The following LRRTM4 variants were observed in gnomAD, a reference collection of about 807,000 sequenced individuals.
LRRTM4 encodes the protein leucine rich repeat transmembrane neuronal 4.
A neutral mutation model predicts 47.6 loss-of-function variants in LRRTM4; 25 were observed. The observed-to-expected ratio is 0.53, with a 90% CI of 0.38 to 0.73. LRRTM4 has a LOEUF of 0.73. LRRTM4 is among the 30% of genes least tolerant of loss of function. LRRTM4 has a pLI of 0.00. For synonymous variants in LRRTM4, 311 were observed against 269.5 expected (o/e 1.15, Z -1.51); for missense variants, 638 against 713.4 (o/e 0.89, Z 1.20).
chr2:77,178,457 G>A (rs149446810), intron 3 of LRRTM4, among the ~76,000 whole-genome samples: 8,024 of 151,962 alleles, frequency 0.053, 685 homozygotes, highest in African/African-American at 0.18. Flanking sequence ...GTGGTGGCGC[G>A]TGCCTGTATT....
intron 3 of LRRTM4, among the ~76,000 whole-genome samples, chr2:77,379,877 A>G (rs1178674703): frequency 1.3e-5 from 2 of 152,064 alleles, no homozygotes; most frequent in African/African-American, 4.8e-5. Context: ...GCTAACTTGT[A>G]GTTGGTCTAT....
At chr2:76,947,709 CTACT>C (rs537973359) in intron 3 of LRRTM4, among the ~76,000 whole-genome samples, 1 of 151,848 alleles carries the variant, frequency 6.6e-6, no homozygotes, top group African/African-American at 2.4e-5. Flanking sequence ...TTTTCATAAC[CTACT>C]TTAGATAGCA....
chr2:77,229,295 T>C (rs1674900283), intron 3 of LRRTM4, among the ~76,000 whole-genome samples: 1 of 152,112 alleles, frequency 6.6e-6, no homozygotes, highest in South Asian at 2.1e-4. Flanking sequence ...CTGTAATCAC[T>C]GAGTAACAAC....
chr2:77,437,231 A>G (rs549495486), intron 3 of LRRTM4, among the ~76,000 whole-genome samples: 73 of 152,162 alleles, frequency 4.8e-4, no homozygotes, highest in African/African-American at 1.6e-3. Flanking sequence ...TATCGTTGAT[A>G]TTTTTAAACA....
intron 3 of LRRTM4, among the ~76,000 whole-genome samples, chr2:76,899,848 A>G (rs1276137535): frequency 6.6e-6 from 1 of 152,218 alleles, no homozygotes; most frequent in Non-Finnish European, 1.5e-5. Context: ...TTCTTTGTTC[A>G]TTATGGAATC....
intron 3 of LRRTM4, among the ~76,000 whole-genome samples, chr2:77,242,819 TC>T (rs1403432445): frequency 6.6e-6 from 1 of 152,160 alleles, no homozygotes; most frequent in Non-Finnish European, 1.5e-5. Context: ...TGGCAATTCC[TC>T]AAAAATTTGA....
rs183463895 is a variant in LRRTM4 at position 77,183,998 on chromosome 2, G to A, written c.1551+334320C>T. 1.1e-3 allele frequency among the ~76,000 whole-genome samples: 170 copies of A among 152,020 alleles called. 2 individuals are homozygous for A. The highest frequency in any genetic ancestry group is 3.4e-3 in the Middle Eastern group (1 of 294). ...CCTAATGCTAAATGAGGAGTTAATG[G>A]GTGCAGCACACCAACATGGCATATG... On this transcript the variant is annotated intron_variant, in intron 3 of 3. Coordinates refer to ENST00000409884, the MANE Select transcript of LRRTM4 (RefSeq NM_001134745.3).
At chr2:77,203,614 A>G (rs1273882350) in intron 3 of LRRTM4, among the ~76,000 whole-genome samples, 2 of 152,174 alleles carry the variant, frequency 1.3e-5, no homozygotes, top group Admixed American at 6.6e-5. Flanking sequence ...TGATCATCAG[A>G]ATGTGGGTTT....
chr2:76,923,709 T>G (rs2103814666), intron 3 of LRRTM4, among the ~76,000 whole-genome samples: 1 of 152,232 alleles, frequency 6.6e-6, no homozygotes, highest in South Asian at 2.1e-4. Flanking sequence ...TGTACTAGTA[T>G]TTTGCAAAAC....
intron 3 of LRRTM4, among the ~76,000 whole-genome samples, chr2:77,360,293 T>C (rs1380199898): frequency 8.6e-5 from 13 of 151,870 alleles, no homozygotes; most frequent in Admixed American, 7.9e-4. Flanking sequence ...CCGTATCTAC[T>C]AAAAATACAA....
chr2:76,917,545 C>T (rs1367594513), intron 3 of LRRTM4, among the ~76,000 whole-genome samples: 2 of 152,014 alleles, frequency 1.3e-5, no homozygotes, highest in South Asian at 2.1e-4. Context: ...TCTTAATGTG[C>T]GTATATCACC....
chr2:77,233,786 G>GT (rs1553413322), intron 3 of LRRTM4, among the ~76,000 whole-genome samples: 1 of 127,396 alleles, frequency 7.8e-6, no homozygotes, highest in Non-Finnish European at 1.8e-5. Context: ...TGTTGTTGTT[G>GT]TTGTTTGTTT....
intron 3 of LRRTM4, among the ~76,000 whole-genome samples, chr2:76,916,020 G>C (rs1674230936): frequency 6.6e-6 from 1 of 151,914 alleles, no homozygotes; most frequent in African/African-American, 2.4e-5. Flanking sequence ...GATAAACAGA[G>C]AAATTTTCTC....
chr2:77,457,004 G>GTATATATATATATATATATA (rs1171771344), intron 3 of LRRTM4, among the ~76,000 whole-genome samples: 1 of 23,184 alleles, frequency 4.3e-5, no homozygotes, highest in Non-Finnish European at 7.8e-5. Flanking sequence ...GTGTGTGTGT[G>GTATATATATATATATATATA]TATATATATA....
intron 3 of LRRTM4, among the ~76,000 whole-genome samples, chr2:77,093,362 T>C (rs1303231274): frequency 2.0e-5 from 3 of 150,782 alleles, no homozygotes; most frequent in Non-Finnish European, 2.9e-5. Flanking sequence ...TTTATACCTG[T>C]TTTTCTCCTT....
chr2:76,805,981 G>C (rs1401561590), intron 3 of LRRTM4, among the ~76,000 whole-genome samples: 5 of 152,146 alleles, frequency 3.3e-5, no homozygotes, highest in African/African-American at 1.2e-4. Context: ...AGAACCCTAG[G>C]CTTACAGTTC....
chr2:77,142,395 T>C (rs1400867568), intron 3 of LRRTM4, among the ~76,000 whole-genome samples: 1 of 150,176 alleles, frequency 6.7e-6, no homozygotes, highest in Non-Finnish European at 1.5e-5. Flanking sequence ...AATGAGCCAT[T>C]CACCTTTTTG....
chr2:77,387,492 G>A (rs1019914112), intron 3 of LRRTM4, among the ~76,000 whole-genome samples: 4 of 152,080 alleles, frequency 2.6e-5, no homozygotes, highest in African/African-American at 9.7e-5. Context: ...TTACACTCAA[G>A]GTCTCTCAGT....
At chr2:77,019,991 T>C (rs995158996) in intron 3 of LRRTM4, among the ~76,000 whole-genome samples, 3 of 152,046 alleles carry the variant, frequency 2.0e-5, no homozygotes, top group African/African-American at 7.2e-5. Flanking sequence ...TGTTTTTTGA[T>C]AGCAAAATAG....
Sources: allele counts gnomAD v4.1 joint callset (sites outside exome capture counted in the v4.1 genomes callset), GRCh38; gene constraint gnomAD v4.1.1; transcripts MANE v1.5; gene names NCBI Gene and HGNC (gene_info 2026-07-23, HGNC 2026-07-21).